The following ANO6 variants were observed in gnomAD, a reference collection of about 807,000 sequenced individuals.
ANO6 encodes the protein anoctamin-6.
In ANO6, 106 loss-of-function variants were observed where a neutral mutation model predicts 117.5. The ratio of observed to expected loss-of-function variants is 0.90; its 90% CI spans 0.77 to 1.06. ANO6 has a LOEUF of 1.06. Ranked by LOEUF, ANO6 falls within the 50% of genes least tolerant of loss-of-function variation. The pLI is 0.00. For missense variants in ANO6, 955 were observed against 1,121.1 expected (o/e 0.85, Z 2.12); for synonymous variants, 367 against 385.1 (o/e 0.95, Z 0.55).
chr12:45,338,731 T>C (rs930798790), intron 3 of ANO6, among the ~76,000 whole-genome samples: 4 of 152,040 alleles, frequency 2.6e-5, no homozygotes, highest in African/African-American at 9.7e-5. Context: ...TATAAGCACA[T>C]TTGGTTTTAT....
At chr12:45,361,892 T>C (rs746483315) in intron 8 of ANO6, among the ~76,000 whole-genome samples, 7 of 152,074 alleles carry the variant, frequency 4.6e-5, no homozygotes, top group Non-Finnish European at 1.0e-4. Flanking sequence ...CAGGATTTGG[T>C]TTTCTAGTAT....
At chr12:45,320,622 C>T (rs536373229) in intron 2 of ANO6, among the ~76,000 whole-genome samples, 1 of 151,996 alleles carries the variant, frequency 6.6e-6, no homozygotes, top group Non-Finnish European at 1.5e-5. Context: ...AGTTCTGTAG[C>T]TATCTATTAG....
chr12:45,371,703 C>T (rs546434061), intron 9 of ANO6, among the ~76,000 whole-genome samples: 1 of 152,156 alleles, frequency 6.6e-6, no homozygotes, highest in African/African-American at 2.4e-5. Context: ...CACCAAAAAC[C>T]CATCTGTACA....
rs1286994833 is a variant in ANO6, at chr12:45,431,233, CTCTT to C, written c.*1926_*1929del. 34 of 985,254 alleles carry C rather than the reference CTCTT, an allele frequency of 3.5e-5. No homozygotes were observed. Among genetic ancestry groups the C allele is most frequent in the East Asian group, 3.4e-4 (3 of 8,816 alleles). The allele number at this position is 985,254 out of a possible 1,614,324, so 61.0% of individuals were successfully genotyped here. ...ATGAATTTCTTCCCACTGAAGGAAA[CTCTT>C]TCTCATTCGCAGCCAAGACGGGAGT... On this transcript the variant is annotated 3_prime_UTR_variant, in exon 20 of 20. Transcript: ENST00000320560.
chr12:45,228,120 G>GTT, intron 1 of ANO6: 10 of 330,010 alleles, frequency 3.0e-5, no homozygotes, highest in South Asian at 1.0e-4. Flanking sequence ...GGCTTTTTGT[G>GTT]TTGTTTTTTT....
chr12:45,391,644 A>G (rs1469446413), intron 12 of ANO6, among the ~76,000 whole-genome samples: 1 of 152,188 alleles, frequency 6.6e-6, no homozygotes, highest in Non-Finnish European at 1.5e-5. Context: ...AAGGCAGCAG[A>G]TCACCTGAGG....
intron 1 of ANO6, among the ~76,000 whole-genome samples, chr12:45,263,193 CAG>C (rs964007607): frequency 2.6e-5 from 4 of 151,898 alleles, no homozygotes; most frequent in Admixed American, 6.6e-5. Flanking sequence ...CGCATTCTAA[CAG>C]GGGCCGGTAC....
At chr12:45,306,993 G>A (rs1323838649) in intron 2 of ANO6, among the ~76,000 whole-genome samples, 1 of 152,048 alleles carries the variant, frequency 6.6e-6, no homozygotes, top group South Asian at 2.1e-4. Context: ...TTTCGAGGTA[G>A]GTGAGTTTGT....
chr12:45,218,052 A>G (rs1185254367), intron 1 of ANO6, among the ~76,000 whole-genome samples: 3 of 152,144 alleles, frequency 2.0e-5, no homozygotes, highest in Non-Finnish European at 4.4e-5. Context: ...TGTGGCAGTA[A>G]GCTCTTTTTA....
intron 1 of ANO6, chr12:45,270,400 G>A (rs1938356097): frequency 2.0e-6 from 3 of 1,475,500 alleles, no homozygotes; most frequent in Non-Finnish European, 2.7e-6. Flanking sequence ...TGCTCTGTCT[G>A]CAGCCTAACA....
At chr12:45,369,981 C>T (rs912121573) in intron 9 of ANO6, among the ~76,000 whole-genome samples, 8 of 152,312 alleles carry the variant, frequency 5.3e-5, no homozygotes, top group East Asian at 1.9e-4. Flanking sequence ...AACAAATTCT[C>T]ATTTTTTTCC....
chr12:45,382,753 A>G (rs1408495581), intron 10 of ANO6, among the ~76,000 whole-genome samples: 2 of 152,210 alleles, frequency 1.3e-5, no homozygotes, highest in Non-Finnish European at 2.9e-5. Flanking sequence ...TGTGCATAGC[A>G]TTTGTCAAAA....
In ANO6 at chr12:45,429,295, G is replaced by T; in HGVS notation, c.2717G>T (p.Arg906Leu). The T allele has an allele frequency of 6.2e-7, 1 of 1,613,356 alleles. No individual in the cohort carries two copies. Among genetic ancestry groups the T allele is most frequent in the Non-Finnish European group, 8.5e-7 (1 of 1,179,686 alleles). Residue 906 changes from arginine (R) to leucine (L), a missense_variant, in exon 20 of 20, where the codon CGG becomes CTG. By Grantham distance (102) the Arg-to-Leu change is moderately radical. Coordinates refer to ENST00000320560, the MANE Select transcript of ANO6 (RefSeq NM_001025356.3). The part of the protein sequence containing the change: ...RMIEAVDNNL[R>L]PKSE ...ATAGAAGCAGTAGATAACAATTTAC[G>T]GCCAAAATCAGAATAAGAGCTTTAT...
intron 1 of ANO6, among the ~76,000 whole-genome samples, chr12:45,296,108 G>A (rs773844614): frequency 8.5e-5 from 13 of 152,114 alleles, no homozygotes; most frequent in Admixed American, 3.3e-4. Context: ...TGATCCAACC[G>A]TGTGGTTGCT....
chr12:45,248,933 C>T (rs1947863739), intron 1 of ANO6, among the ~76,000 whole-genome samples: 1 of 152,166 alleles, frequency 6.6e-6, no homozygotes, highest in Admixed American at 6.6e-5. Context: ...ATTTATTGTA[C>T]TTTATTTTTT....
At chr12:45,377,474 C>T in intron 9 of ANO6, among the ~76,000 whole-genome samples, 1 of 152,080 alleles carries the variant, frequency 6.6e-6, no homozygotes, top group East Asian at 1.9e-4. Context: ...ATCCTTTATT[C>T]CAATAGAAGC....
At chr12:45,340,250 A>G (rs1276830273) in intron 3 of ANO6, among the ~76,000 whole-genome samples, 1 of 152,120 alleles carries the variant, frequency 6.6e-6, no homozygotes, top group African/African-American at 2.4e-5. Flanking sequence ...CAAAAGAGGT[A>G]TGAATAAGAT....
At chr12:45,263,275 G>A (rs754638387) in intron 1 of ANO6, among the ~76,000 whole-genome samples, 3 of 151,250 alleles carry the variant, frequency 2.0e-5, no homozygotes, top group Admixed American at 6.6e-5. Flanking sequence ...ACAGTGGTGC[G>A]ATCACTGCAA....
At chr12:45,373,509 A>C (rs1225054357) in intron 9 of ANO6, among the ~76,000 whole-genome samples, 1 of 152,192 alleles carries the variant, frequency 6.6e-6, no homozygotes, top group East Asian at 1.9e-4. Flanking sequence ...ATAACAAACT[A>C]TCTCTCAGAC....
Sources: allele counts gnomAD v4.1 joint callset (sites outside exome capture counted in the v4.1 genomes callset), GRCh38; gene constraint gnomAD v4.1.1; transcripts MANE v1.5; gene names NCBI Gene and HGNC (gene_info 2026-07-23, HGNC 2026-07-21).